SPHK1: variants seen among roughly 807,000 people sequenced by gnomAD.
SPHK1 encodes the protein SK 1.
A neutral mutation model predicts 14.6 loss-of-function variants in SPHK1; 10 were observed. The observed-to-expected ratio is 0.68, with a 90% CI of 0.42 to 1.16. SPHK1 has a LOEUF of 1.16. Among genes scored for constraint, SPHK1 ranks in the 50% most tolerant of loss-of-function variants. The pLI, the probability that SPHK1 is intolerant of heterozygous loss-of-function variation, is 0.00. For synonymous variants in SPHK1, 274 were observed against 224.0 expected (o/e 1.22, Z -1.99); for missense variants, 553 against 525.4 (o/e 1.05, Z -0.51).
In SPHK1 at chr17:76,386,435, A is replaced by G; in HGVS notation, c.301A>G (p.Ile101Val). Residue 101 changes from isoleucine (I) to valine (V), a missense_variant, in exon 5 of 6, where the codon ATC becomes GTC. Physicochemically the swap from Ile to Val is conservative, Grantham distance 29 (BLOSUM62 3). Coordinates refer to ENST00000592299, the MANE Select transcript of SPHK1 (RefSeq NM_001142601.2). This position sits in a 1 kb window ranked among gnomAD's most constrained non-coding sequence, Gnocchi z 5.3. The stretch of plus-strand genomic sequence containing the variant: ...GGAGCGGCCTGACTGGGAGACCGCC[A>G]TCCAGAAGCCCCTGTGTAGCCTCCC... ...LMERPDWETA[I>V]QKPLCSLPAG... 6.2e-7 allele frequency: 1 copy of G among 1,612,992 alleles called. No individual in the cohort carries two copies. The highest frequency in any genetic ancestry group is 8.5e-7 in the Non-Finnish European group (1 of 1,179,916).
rs888073389 is a variant in SPHK1, at chr17:76,385,017, G to C, written c.-195+211G>C. The stretch of plus-strand genomic sequence containing the variant: ...CGGGGCCCTGAGAAGCGCGCGCCGC[G>C]GCTCCCACCGCTCTGGAGCTCCGGG... On this transcript the variant is annotated intron_variant, in intron 1 of 5. Transcript: ENST00000592299. The surrounding 1 kb of genome is among the most constrained non-coding windows in gnomAD (Gnocchi z 5.3). 69 of 1,448,626 alleles carry C rather than the reference G, an allele frequency of 4.8e-5. No homozygotes were observed. The African/African-American group carries it at 7.3e-4, about 15-fold the overall frequency. 89.7% of individuals were successfully genotyped at this position (1,448,626 alleles called of 1,614,324 possible). A position where few individuals can be genotyped will look rare whatever the true frequency, so the allele number is the denominator to read the frequency against.
rs756281276 is a variant in SPHK1 at position 76,387,042 on chromosome 17, G to A, written c.611G>A (p.Arg204His). ...ACCTTCCTGCGTCTGGCAGCCCTGC[G>A]CACCTACCGCGGCCGACTGGCCTAC... ...LGTFLRLAAL[R>H]TYRGRLAYLP... is the part of the protein sequence containing the mutation. Residue 204 changes from arginine (R) to histidine (H), a missense_variant, in exon 6 of 6, where the codon CGC becomes CAC. Physicochemically the swap from Arg to His is conservative, Grantham distance 29. Coordinates refer to ENST00000592299, the MANE Select transcript of SPHK1 (RefSeq NM_001142601.2). This position sits in a 1 kb window ranked among gnomAD's most constrained non-coding sequence, Gnocchi z 4.1. The A allele has an allele frequency of 8.7e-6, 14 of 1,613,446 alleles. No homozygotes were observed. Among genetic ancestry groups the A allele is most frequent in the East Asian group, 6.7e-5 (3 of 44,896 alleles).
Position 76,387,502 on chromosome 17 carries a change from C to T in SPHK1, c.1071C>T (p.Asn357=), listed in dbSNP as rs766287022. ...SEAVQGQVHP[N]YFWMVSGCVE... is the part of the protein sequence containing the mutation. ...CCGTGCAGGGCCAGGTGCACCCAAACTACTTCTGGATGGTCAGCGGTTGCG... is the reference window on the plus strand; with the variant it reads ...CCGTGCAGGGCCAGGTGCACCCAAATTACTTCTGGATGGTCAGCGGTTGCG... Residue 357 remains asparagine (N), a synonymous_variant, in exon 6 of 6, where the codon AAC becomes AAT. Coordinates refer to ENST00000592299, the MANE Select transcript of SPHK1 (RefSeq NM_001142601.2). This position sits in a 1 kb window ranked among gnomAD's most constrained non-coding sequence, Gnocchi z 4.1. 2.5e-6 allele frequency: 4 copies of T among 1,613,042 alleles called. No individual in the cohort carries two copies. Among genetic ancestry groups the T allele is most frequent in the Non-Finnish European group, 3.4e-6 (4 of 1,179,932 alleles).
At position 76,385,133 on chromosome 17, in the gene SPHK1, C is replaced by T. The variant is rs1479253416; in HGVS notation, c.-194-318C>T. The T allele has an allele frequency of 3.1e-6, 5 of 1,592,882 alleles. No individual in the cohort carries two copies. Among genetic ancestry groups the T allele is most frequent in the South Asian group, 2.3e-5 (2 of 87,222 alleles). On this transcript the variant is annotated intron_variant, in intron 1 of 5. Transcript: ENST00000592299. This position sits in a 1 kb window ranked among gnomAD's most constrained non-coding sequence, Gnocchi z 5.3. ...GTCCGCTCAAGTTCTGGGATTTTTA[C>T]GCAGCTGGACTCCCCTCCCCCTGGC... is the stretch of plus-strand genomic sequence containing the variant.
chr17:76,385,668 C>T lies in SPHK1; in HGVS notation c.10+14C>T. 2 of 1,533,548 alleles carry T rather than the reference C, an allele frequency of 1.3e-6. No individual in the cohort carries two copies. The highest frequency in any genetic ancestry group is 1.7e-6 in the Non-Finnish European group (2 of 1,144,752). 95.0% of individuals were successfully genotyped at this position (1,533,548 alleles called of 1,614,324 possible). A position where few individuals can be genotyped will look rare whatever the true frequency, so the allele number is the denominator to read the frequency against. ...TTATGGATCCAGGTTTGTGGGGTTC[C>T]TGCTGGGAAGGGCTGTAGGGGGATT... On this transcript the variant is annotated intron_variant, in intron 2 of 5. Transcript: ENST00000592299. The surrounding 1 kb of genome is among the most constrained non-coding windows in gnomAD (Gnocchi z 5.3).
upstream of SPHK1, chr17:76,383,890 C>T: frequency 7.9e-7 from 1 of 1,262,256 alleles, no homozygotes; most frequent in Non-Finnish European, 1.0e-6. Flanking sequence ...CCAGGCCCAT[C>T]TACACTGTCA....
chr17:76,386,073 C>T lies in SPHK1; in HGVS notation c.99C>T (p.Leu33=). The change falls in exon 3 of 6, where the codon CTC becomes CTT. Residue 33 remains leucine (L), a synonymous_variant. Transcript: ENST00000592299. The surrounding 1 kb of genome is among the most constrained non-coding windows in gnomAD (Gnocchi z 5.3). ...PRGGKGKALQ[L]FRSHVQPLLA... ...GCGGCAAGGGCAAGGCCTTGCAGCT[C>T]TTCCGGAGTCACGTGCAGCCCCTTT... The T allele has an allele frequency of 1.2e-6, 2 of 1,607,088 alleles. No homozygotes were observed. Among genetic ancestry groups the T allele is most frequent in the East Asian group, 4.5e-5 (2 of 44,690 alleles).
In SPHK1 at chr17:76,387,755, C is replaced by G; in HGVS notation, c.*169C>G. 1.3e-6 allele frequency: 1 copy of G among 798,068 alleles called. No homozygotes were observed. Among genetic ancestry groups the G allele is most frequent in the Non-Finnish European group, 1.9e-6 (1 of 531,582 alleles). The allele number at this position is 798,068 out of a possible 1,614,324, so 49.4% of individuals were successfully genotyped here. The stretch of plus-strand genomic sequence containing the variant: ...GACAGGCCAGAATGAAGTCCTGGGT[C>G]AGGAGCCCAGCTGGCTGGGCCCAGC... On this transcript the variant is annotated 3_prime_UTR_variant, in exon 6 of 6. Coordinates refer to ENST00000592299, the MANE Select transcript of SPHK1 (RefSeq NM_001142601.2). This position sits in a 1 kb window ranked among gnomAD's most constrained non-coding sequence, Gnocchi z 4.1.
rs1258934363 is a variant in SPHK1 at position 76,387,756 on chromosome 17, AGGAGCCCAGCT to A, written c.*173_*183del. On this transcript the variant is annotated 3_prime_UTR_variant, in exon 6 of 6. Transcript: ENST00000592299. This position sits in a 1 kb window ranked among gnomAD's most constrained non-coding sequence, Gnocchi z 4.1. ...ACAGGCCAGAATGAAGTCCTGGGTC[AGGAGCCCAGCT>A]GGCTGGGCCCAGCTGCCTATGTAAG... The A allele has an allele frequency of 1.3e-6, 1 of 798,514 alleles. No homozygotes were observed. The highest frequency in any genetic ancestry group is 1.9e-6 in the Non-Finnish European group (1 of 532,112). 49.5% of individuals were successfully genotyped at this position (798,514 alleles called of 1,614,324 possible).
chr17:76,386,189 C>G lies in SPHK1; in HGVS notation c.164-32C>G. The stretch of plus-strand genomic sequence containing the variant: ...GGAGCATCCCCTGGCAGGGGACCCC[C>G]CCAGTCCTGATAGCTGCCGGTCTCC... On this transcript the variant is annotated intron_variant, in intron 3 of 5. Transcript: ENST00000592299. The surrounding 1 kb of genome is among the most constrained non-coding windows in gnomAD (Gnocchi z 5.3). The G allele has an allele frequency of 6.3e-7, 1 of 1,594,996 alleles. No homozygotes were observed. The highest frequency in any genetic ancestry group is 8.5e-7 in the Non-Finnish European group (1 of 1,175,590).
chr17:76,386,771 C>A lies in SPHK1; in HGVS notation c.375-35C>A. ...AGGAAGCGGGGGATACATGGGGGCTCCTGTCCTGCCTTATCTGACTTTTTC... is the reference window on the plus strand; with the variant it reads ...AGGAAGCGGGGGATACATGGGGGCTACTGTCCTGCCTTATCTGACTTTTTC... On this transcript the variant is annotated intron_variant, in intron 5 of 5. Transcript: ENST00000592299. The surrounding 1 kb of genome is among the most constrained non-coding windows in gnomAD (Gnocchi z 5.3). 6.6e-7 allele frequency: 1 copy of A among 1,519,752 alleles called. No individual in the cohort carries two copies. Among genetic ancestry groups the A allele is most frequent in the South Asian group, 1.3e-5 (1 of 75,820 alleles). 94.1% of individuals were successfully genotyped at this position (1,519,752 alleles called of 1,614,324 possible).
In SPHK1 at chr17:76,387,436, A is replaced by G; in HGVS notation, c.1005A>G (p.Lys335=). The G allele has an allele frequency of 1.9e-6, 3 of 1,613,738 alleles. No individual in the cohort carries two copies. The highest frequency in any genetic ancestry group is 1.7e-6 in the Non-Finnish European group (2 of 1,179,984). ...VAFRLEPKDG[K]GVFAVDGELM... ...TCCGCTTGGAGCCCAAGGATGGGAA[A>G]GGTGTGTTTGCAGTGGATGGGGAAT... The change falls in exon 6 of 6, where the codon AAA becomes AAG. Residue 335 remains lysine (K), a synonymous_variant. Transcript: ENST00000592299. This position sits in a 1 kb window ranked among gnomAD's most constrained non-coding sequence, Gnocchi z 4.1.
Position 76,387,472 on chromosome 17 carries a change from C to G in SPHK1, c.1041C>G (p.Ser347Arg), listed in dbSNP as rs779279146. Residue 347 changes from serine to arginine, a missense_variant, in exon 6 of 6, where the codon AGC (serine) becomes AGG (arginine). Physicochemically the swap from Ser to Arg is moderately radical, Grantham distance 110 (BLOSUM62 -1). Coordinates refer to ENST00000592299, the MANE Select transcript of SPHK1 (RefSeq NM_001142601.2). The surrounding 1 kb of genome is among the most constrained non-coding windows in gnomAD (Gnocchi z 4.1). ...CAGTGGATGGGGAATTGATGGTTAG[C>G]GAGGCCGTGCAGGGCCAGGTGCACC... ...VFAVDGELMV[S>R]EAVQGQVHPN... 7.4e-6 allele frequency: 12 copies of G among 1,613,312 alleles called. No individual in the cohort carries two copies. In the South Asian group the frequency reaches 1.2e-4, roughly 16 times the overall value.
At position 76,385,239 on chromosome 17, in the gene SPHK1, AG is replaced by A; in HGVS notation, c.-194-211del. The A allele has an allele frequency of 2.0e-6, 3 of 1,532,192 alleles. No homozygotes were observed. The African/African-American group carries it at 4.2e-5, about 21-fold the overall frequency. The allele number at this position is 1,532,192 out of a possible 1,614,324, so 94.9% of individuals were successfully genotyped here. A position where few individuals can be genotyped will look rare whatever the true frequency, so the allele number is the denominator to read the frequency against. ...TCCGTCGGGCCGGAACCGAACCCCA[AG>A]CCCCAGGGAGAAAGCCCCGGAGCAG... On this transcript the variant is annotated intron_variant, in intron 1 of 5. Coordinates refer to ENST00000592299, the MANE Select transcript of SPHK1 (RefSeq NM_001142601.2). The surrounding 1 kb of genome is among the most constrained non-coding windows in gnomAD (Gnocchi z 5.3).
chr17:76,385,753 G>A lies in SPHK1; in HGVS notation c.10+99G>A, dbSNP rs781752237. On this transcript the variant is annotated intron_variant, in intron 2 of 5. Transcript: ENST00000592299. The surrounding 1 kb of genome is among the most constrained non-coding windows in gnomAD (Gnocchi z 5.3). Reference sequence around the variant, plus strand: ...TGGACGAAAGGGGCTGTGGACGATCGGGAGAAACATTATCCCTCACGAGGC... The same window carrying A: ...TGGACGAAAGGGGCTGTGGACGATCAGGAGAAACATTATCCCTCACGAGGC... 6 of 1,433,290 alleles carry A rather than the reference G, an allele frequency of 4.2e-6. No homozygotes were observed. Among genetic ancestry groups the A allele is most frequent in the Non-Finnish European group, 5.7e-6 (6 of 1,056,254 alleles). The allele number at this position is 1,433,290 out of a possible 1,614,324, so 88.8% of individuals were successfully genotyped here. A position where few individuals can be genotyped will look rare whatever the true frequency, so the allele number is the denominator to read the frequency against.
At position 76,387,002 on chromosome 17, in the gene SPHK1, C is replaced by T. The variant is rs753195396; in HGVS notation, c.571C>T (p.Arg191Cys). 3.1e-6 allele frequency: 5 copies of T among 1,613,500 alleles called. No homozygotes were observed. Among genetic ancestry groups the T allele is most frequent in the Non-Finnish European group, 4.2e-6 (5 of 1,179,966 alleles). Residue 191 changes from arginine (R) to cysteine (C), a missense_variant, in exon 6 of 6, where the codon CGC (arginine) becomes TGC (cysteine). By Grantham distance (180) the Arg-to-Cys change is radical. Coordinates refer to ENST00000592299, the MANE Select transcript of SPHK1 (RefSeq NM_001142601.2). The surrounding 1 kb of genome is among the most constrained non-coding windows in gnomAD (Gnocchi z 4.1). Reference sequence around the variant, plus strand: ...GAAGTATCGGCGTCTGGGGGAGATGCGCTTCACTCTGGGCACCTTCCTGCG... The same window carrying T: ...GAAGTATCGGCGTCTGGGGGAGATGTGCTTCACTCTGGGCACCTTCCTGCG... ...SEKYRRLGEM[R>C]FTLGTFLRLA...
rs373448480 is a variant in SPHK1 at position 76,386,796 on chromosome 17, C to T, written c.375-10C>T. On this transcript the variant is annotated splice_polypyrimidine_tract_variant and intron_variant, in intron 5 of 5. Transcript: ENST00000592299. The surrounding 1 kb of genome is among the most constrained non-coding windows in gnomAD (Gnocchi z 5.3). ...CCTGTCCTGCCTTATCTGACTTTTT[C>T]CCCCTGCAGCTATGAGCAGGTCACC... 6.9e-5 allele frequency: 105 copies of T among 1,528,224 alleles called. No individual in the cohort carries two copies. The highest frequency in any genetic ancestry group is 1.1e-4 in the African/African-American group (8 of 72,390). The allele number at this position is 1,528,224 out of a possible 1,614,324, so 94.7% of individuals were successfully genotyped here. A position where few individuals can be genotyped will look rare whatever the true frequency, so the allele number is the denominator to read the frequency against.
chr17:76,383,883 G>A, upstream of SPHK1: 1 of 1,269,540 alleles, frequency 7.9e-7, no homozygotes. Flanking sequence ...GGGGCCCCCA[G>A]GCCCATCTAC....
Position 76,385,283 on chromosome 17 carries a change from T to C in SPHK1, c.-194-168T>C, listed in dbSNP as rs1314869342. 2.0e-6 allele frequency: 3 copies of C among 1,491,656 alleles called. No individual in the cohort carries two copies. Among genetic ancestry groups the C allele is most frequent in the Non-Finnish European group, 1.8e-6 (2 of 1,119,028 alleles). 92.4% of individuals were successfully genotyped at this position (1,491,656 alleles called of 1,614,324 possible). On this transcript the variant is annotated intron_variant, in intron 1 of 5. Transcript: ENST00000592299. This position sits in a 1 kb window ranked among gnomAD's most constrained non-coding sequence, Gnocchi z 5.3. ...CGGAGCAGGCGCCCTTCTCAGGGAT[T>C]GTAGGCTTAGTCACACGGCGGGGGC...
Sources: gnomAD v4.1 joint callset for allele counts on GRCh38, gnomAD v4.1.1 for gene constraint, Gnocchi (gnomAD v3.1) non-coding constraint, MANE v1.5 for transcripts, NCBI Gene and HGNC (gene_info 2026-07-23, HGNC 2026-07-21) for gene names.